Variants in SH3GL3 observed in about 807,000 individuals in gnomAD.
The protein encoded by SH3GL3 is SH3 domain containing GRB2 like 3, endophilin A3.
A neutral mutation model predicts 47.7 loss-of-function variants in SH3GL3; 33 were observed. The observed-to-expected ratio is 0.69, with a 90% CI of 0.52 to 0.92. The LOEUF is 0.92. SH3GL3 is among the 40% of genes least tolerant of loss of function. SH3GL3 has a pLI of 0.00. For synonymous variants in SH3GL3, 155 were observed against 148.8 expected (o/e 1.04, Z -0.30); for missense variants, 363 against 417.8 (o/e 0.87, Z 1.14).
chr15:83,468,207 C>G (rs538383457), intron 1 of SH3GL3, among the ~76,000 whole-genome samples: 1 of 152,280 alleles, frequency 6.6e-6, no homozygotes, highest in East Asian at 1.9e-4. Context: ...GTACGTTTAT[C>G]TTGTATCCTG....
intron 8 of SH3GL3, among the ~76,000 whole-genome samples, chr15:83,602,513 C>T (rs1197017485): frequency 6.6e-6 from 1 of 152,164 alleles, no homozygotes; most frequent in Non-Finnish European, 1.5e-5. Context: ...TATAAGGGCA[C>T]AAATCCTACT....
At chr15:83,616,842 G>A (rs1452594521) in intron 8 of SH3GL3, among the ~76,000 whole-genome samples, 1 of 151,796 alleles carries the variant, frequency 6.6e-6, no homozygotes, top group Non-Finnish European at 1.5e-5. Context: ...AAGAAGAGAT[G>A]AAAAGAAGAG....
chr15:83,466,785 C>T (rs78513696), intron 1 of SH3GL3, among the ~76,000 whole-genome samples: 2,199 of 152,246 alleles, frequency 0.014, 17 homozygotes, highest in Non-Finnish European at 0.015. Context: ...TTTTAATTTG[C>T]GTTTCCCTAA....
intron 1 of SH3GL3, among the ~76,000 whole-genome samples, chr15:83,554,635 G>A (rs1480669917): frequency 2.0e-5 from 3 of 152,090 alleles, no homozygotes; most frequent in African/African-American, 7.2e-5. Context: ...TGATCCACCC[G>A]CCTCAACCTC....
At chr15:83,472,613 C>G (rs1252327485) in intron 1 of SH3GL3, among the ~76,000 whole-genome samples, 2 of 152,140 alleles carry the variant, frequency 1.3e-5, no homozygotes, top group African/African-American at 4.8e-5. Flanking sequence ...TTTTTCACTG[C>G]TTCTAGCATC....
intron 1 of SH3GL3, among the ~76,000 whole-genome samples, chr15:83,498,740 A>C (rs946081194): frequency 6.6e-6 from 1 of 152,054 alleles, no homozygotes; most frequent in African/African-American, 2.4e-5. Flanking sequence ...CATCTTCCTC[A>C]CTGTGGCCAG....
chr15:83,513,759 G>A (rs2042870480), intron 1 of SH3GL3, among the ~76,000 whole-genome samples: 1 of 152,044 alleles, frequency 6.6e-6, no homozygotes, highest in African/African-American at 2.4e-5. Context: ...TTGCTGAATG[G>A]AATTTTTTCA....
At chr15:83,562,646 G>A (rs1276895799) in intron 2 of SH3GL3, among the ~76,000 whole-genome samples, 2 of 152,064 alleles carry the variant, frequency 1.3e-5, no homozygotes, top group Admixed American at 1.3e-4. Flanking sequence ...TAACACATAA[G>A]CTTAACAGAT....
At chr15:83,491,190 GTCTCT>G (rs1373849805) in intron 1 of SH3GL3, among the ~76,000 whole-genome samples, 1 of 152,200 alleles carries the variant, frequency 6.6e-6, no homozygotes, top group East Asian at 1.9e-4. Flanking sequence ...GTCAGTAAGT[GTCTCT>G]TGCATGAGTG....
intron 1 of SH3GL3, among the ~76,000 whole-genome samples, chr15:83,464,005 G>A (rs1055877492): frequency 2.0e-5 from 3 of 151,908 alleles, no homozygotes; most frequent in Non-Finnish European, 4.4e-5. Flanking sequence ...CAGGTGATCC[G>A]CCCGCCTCGG....
At chr15:83,553,396 T>A (rs2044765723) in intron 1 of SH3GL3, among the ~76,000 whole-genome samples, 1 of 152,216 alleles carries the variant, frequency 6.6e-6, no homozygotes. Flanking sequence ...TATTATTTAG[T>A]ATGTTGAATT....
At chr15:83,479,862 C>T (rs1270090058) in intron 1 of SH3GL3, among the ~76,000 whole-genome samples, 7 of 152,176 alleles carry the variant, frequency 4.6e-5, no homozygotes, top group Non-Finnish European at 1.0e-4. Context: ...TGAGTTTCCT[C>T]ATCTGTAAAA....
chr15:83,510,749 G>A (rs1170517489), intron 1 of SH3GL3, among the ~76,000 whole-genome samples: 1 of 152,082 alleles, frequency 6.6e-6, no homozygotes, highest in East Asian at 1.9e-4. Context: ...GCAGCTATGT[G>A]GATCCTCAGA....
Position 83,611,064 on chromosome 15 carries a change from AGT to A in SH3GL3, c.839-7016_839-7015del, listed in dbSNP as rs575497828. On this transcript the variant is annotated intron_variant, in intron 8 of 8. Transcript: ENST00000427482. ...TATATATATATATAGAGACAAAATA[AGT>A]GGAGTTGGGGGAGGGGCACCGCAAA... is the stretch of plus-strand genomic sequence containing the variant. Among the ~76,000 whole-genome samples, 77 of 151,660 alleles carry A rather than the reference AGT, an allele frequency of 5.1e-4. 1 individual carries two copies. Among genetic ancestry groups the A allele is most frequent in the Admixed American group, 1.3e-3 (20 of 15,198 alleles).
chr15:83,591,363 C>T (rs2060091830), intron 8 of SH3GL3, among the ~76,000 whole-genome samples: 1 of 152,128 alleles, frequency 6.6e-6, no homozygotes, highest in African/African-American at 2.4e-5. Context: ...AAATGTGAGA[C>T]TTAAGTCATT....
intron 1 of SH3GL3, among the ~76,000 whole-genome samples, chr15:83,483,935 G>A (rs1056794049): frequency 1.3e-5 from 2 of 152,218 alleles, no homozygotes; most frequent in Non-Finnish European, 1.5e-5. Context: ...CAGTTTTATA[G>A]TCCTATGGCC....
At chr15:83,543,098 G>T (rs2044242013) in intron 1 of SH3GL3, among the ~76,000 whole-genome samples, 1 of 152,022 alleles carries the variant, frequency 6.6e-6, no homozygotes, top group South Asian at 2.1e-4. Context: ...CATTCAGTAT[G>T]ATACCAGCTG....
At chr15:83,504,482 G>C (rs2042411719) in intron 1 of SH3GL3, among the ~76,000 whole-genome samples, 2 of 152,208 alleles carry the variant, frequency 1.3e-5, no homozygotes, top group South Asian at 4.1e-4. Flanking sequence ...GGTTATAAAA[G>C]ACTGTGGCTC....
chr15:83,466,131 C>T (rs2040557920), intron 1 of SH3GL3, among the ~76,000 whole-genome samples: 1 of 152,140 alleles, frequency 6.6e-6, no homozygotes, highest in Middle Eastern at 3.2e-3. Context: ...TGGAATCATA[C>T]AGTCTGTGAC....
Sources: allele counts gnomAD v4.1 joint callset (sites outside exome capture counted in the v4.1 genomes callset), GRCh38; gene constraint gnomAD v4.1.1; transcripts MANE v1.5; gene names NCBI Gene and HGNC (gene_info 2026-07-23, HGNC 2026-07-21).